Variants in PRKAR1A observed in about 807,000 individuals in gnomAD.
The protein encoded by PRKAR1A is cAMP-dependent protein kinase type I-alpha regulatory subunit.
A neutral mutation model predicts 52.0 loss-of-function variants in PRKAR1A; 3 were observed. The observed-to-expected ratio is 0.06, with a 90% CI of 0.03 to 0.15. The LOEUF (loss-of-function observed/expected upper bound fraction) is 0.15, where lower values mean the gene tolerates loss of function less well. Ranked by LOEUF, PRKAR1A falls within the 10% of genes least tolerant of loss-of-function variation. PRKAR1A has a pLI of 1.00. For synonymous variants in PRKAR1A, 188 were observed against 168.4 expected (o/e 1.12, Z -0.90); for missense variants, 240 against 477.4 (o/e 0.50, Z 4.63).
the PRKAR1A span, among the ~76,000 whole-genome samples, chr17:68,424,890 A>G: frequency 6.6e-6 from 1 of 152,208 alleles, no homozygotes; most frequent in Admixed American, 6.5e-5. Flanking sequence ...AACAAAACAA[A>G]ACAAATCAGT....
intron 9 of PRKAR1A, 83 bp from the exon 10 acceptor site, chr17:68,529,837 G>C (rs957977008): frequency 1.1e-5 from 15 of 1,304,954 alleles, no homozygotes; most frequent in Admixed American, 3.4e-5. Context: ...TTGCAAGGTA[G>C]TTAAAATTGC....
At chr17:68,505,512 A>T in the PRKAR1A span, among the ~76,000 whole-genome samples, 1 of 152,164 alleles carries the variant, frequency 6.6e-6, no homozygotes, top group Non-Finnish European at 1.5e-5. Context: ...TATGGACTTC[A>T]GTTAATAATA....
chr17:68,537,620 G>GGTGGGGTT, downstream of PRKAR1A: 1 of 1,613,836 alleles, frequency 6.2e-7, no homozygotes. This position sits in a 1 kb window ranked among gnomAD's most constrained non-coding sequence, Gnocchi z 4.2. Context: ...AGGGCAAGGA[G>GGTGGGGTT]GTGGGGTTCA....
intron 11 of PRKAR1A, chr17:68,550,943 G>T (rs1047343937): frequency 1.7e-5 from 10 of 599,852 alleles, no homozygotes; most frequent in Non-Finnish European, 2.4e-5. Flanking sequence ...CATCTACTGG[G>T]GCTCTCAATG....
At chr17:68,525,699 C>T (rs2143319842) in intron 6 of PRKAR1A, 55 bp from the exon 7 acceptor site, 1 of 1,576,632 alleles carries the variant, frequency 6.3e-7, no homozygotes, top group Non-Finnish European at 8.7e-7. Flanking sequence ...GGGTTTTTAA[C>T]ATTTAAGTGT....
chr17:68,522,798 C>A lies in PRKAR1A; in HGVS notation c.220C>A (p.Arg74Ser). ...TCAGAATCTGCAGAAAGCAGGCACT[C>A]GTACAGACTCAAGGGAGGATGAGAT... ...QIQNLQKAGT[R>S]TDSREDEISP... Residue 74 changes from arginine to serine, a missense_variant, in exon 3 of 11, where the codon CGT becomes AGT. Coordinates refer to ENST00000589228, the MANE Select transcript of PRKAR1A (RefSeq NM_002734.5). 6.2e-7 allele frequency: 1 copy of A among 1,614,058 alleles called. No homozygotes were observed. Among genetic ancestry groups the A allele is most frequent in the Non-Finnish European group, 8.5e-7 (1 of 1,179,970 alleles).
At chr17:68,425,511 G>A in the PRKAR1A span, among the ~76,000 whole-genome samples, 10 of 150,922 alleles carry the variant, frequency 6.6e-5, no homozygotes, top group East Asian at 1.4e-3. Flanking sequence ...GTGAGCCACC[G>A]CACCCGGCCA....
At chr17:68,541,050 G>T in intron 11 of PRKAR1A, 3 of 1,536,804 alleles carry the variant, frequency 2.0e-6, no homozygotes, top group Non-Finnish European at 2.6e-6. Flanking sequence ...CCCAATCCCT[G>T]CCTCCCTGAT....
chr17:68,453,196 A>G, the PRKAR1A span, among the ~76,000 whole-genome samples: 1 of 152,308 alleles, frequency 6.6e-6, no homozygotes, highest in Non-Finnish European at 1.5e-5. Context: ...AGTCAAAGGC[A>G]ACTTAAAAAA....
chr17:68,528,846 G>A lies in PRKAR1A; in HGVS notation c.770-24G>A, dbSNP rs2302230. 1,102,774 of 1,611,684 alleles carry A rather than the reference G, an allele frequency of 0.68. 381,295 individuals are homozygous for A. Among genetic ancestry groups the A allele is most frequent in the East Asian group, 0.92 (41,283 of 44,858 alleles). ...TAACAGCACCAAATAATACAGAGCA[G>A]TTATTTTGATTCTTGTCTTTCAGAG... On this transcript the variant is annotated intron_variant, in intron 8 of 10. Coordinates refer to ENST00000589228, the MANE Select transcript of PRKAR1A (RefSeq NM_002734.5).
At chr17:68,527,949 A>G in intron 8 of PRKAR1A, 49 bp downstream of exon 8, 1 of 1,478,962 alleles carries the variant, frequency 6.8e-7, no homozygotes, top group Non-Finnish European at 9.5e-7. Context: ...ATACCCCTGA[A>G]TTAGAATTGG....
chr17:68,445,355 G>C, the PRKAR1A span, among the ~76,000 whole-genome samples: 1 of 152,118 alleles, frequency 6.6e-6, no homozygotes, highest in Non-Finnish European at 1.5e-5. Flanking sequence ...TATAAAAATG[G>C]GTTTCTTTGC....
chr17:68,428,930 C>T, the PRKAR1A span: 1 of 1,613,604 alleles, frequency 6.2e-7, no homozygotes, highest in Non-Finnish European at 8.5e-7. Flanking sequence ...GTGGCAACTT[C>T]TGGATCCTAA....
the PRKAR1A span, among the ~76,000 whole-genome samples, chr17:68,434,380 A>C: frequency 6.6e-6 from 1 of 152,200 alleles, no homozygotes; most frequent in African/African-American, 2.4e-5. Flanking sequence ...CTCGGCTTTC[A>C]GTTTTGCTGA....
the PRKAR1A span, chr17:68,425,879 C>G: frequency 5.4e-6 from 3 of 556,802 alleles, no homozygotes; most frequent in South Asian, 7.0e-5. Context: ...GGGTTTAGCT[C>G]GACACCTAAA....
upstream of PRKAR1A, among the ~76,000 whole-genome samples, chr17:68,509,550 A>G (rs978789908): frequency 2.0e-5 from 3 of 152,270 alleles, no homozygotes; most frequent in Admixed American, 2.0e-4. Flanking sequence ...AAAGGCTAAC[A>G]GACCTTTGAA....
intron 7 of PRKAR1A, among the ~76,000 whole-genome samples, chr17:68,526,899 T>C (rs1488271990): frequency 6.6e-6 from 1 of 152,204 alleles, no homozygotes; most frequent in Non-Finnish European, 1.5e-5. Flanking sequence ...CCTGCACATG[T>C]ACCCCTGAAC....
At chr17:68,415,783 T>TGTCTG in the PRKAR1A span, among the ~76,000 whole-genome samples, 1 of 152,234 alleles carries the variant, frequency 6.6e-6, no homozygotes. Flanking sequence ...GTCTCTGTCT[T>TGTCTG]TTTTAACTGC....
chr17:68,530,416 G>T lies in PRKAR1A; in HGVS notation c.1113G>T (p.Gln371His). The T allele has an allele frequency of 6.2e-7, 1 of 1,614,096 alleles. No individual in the cohort carries two copies. Among genetic ancestry groups the T allele is most frequent in the Non-Finnish European group, 8.5e-7 (1 of 1,179,968 alleles). ...PCSDILKRNIQQYNSFVSLSV is the reference protein window; with the variant it reads ...PCSDILKRNIHQYNSFVSLSV ...CAGACATCCTCAAACGAAACATCCA[G>T]CAGTACAACAGTTTTGTGTCACTGT... The change falls in exon 11 of 11, where the codon CAG becomes CAT. Residue 371 changes from glutamine to histidine, a missense_variant. This residue lies in a region of PRKAR1A where 26 missense variants were observed against 53.6 expected (regional missense o/e 0.48). Transcript: ENST00000589228.
Sources: gnomAD v4.1 joint callset for allele counts (sites outside exome capture counted in the v4.1 genomes callset) on GRCh38, gnomAD v4.1.1 for gene constraint, gnomAD v4.1.1 regional missense constraint, Gnocchi (gnomAD v3.1) non-coding constraint, MANE v1.5 for transcripts, NCBI Gene and HGNC (gene_info 2026-07-23, HGNC 2026-07-21) for gene names.